Variants in RORB observed in about 807,000 individuals in gnomAD.
The protein encoded by RORB is nuclear receptor ROR-beta.
Under a neutral mutation model 59.1 loss-of-function variants are expected in RORB, and 6 were observed. The ratio of observed to expected loss-of-function variants is 0.10; its 90% CI spans 0.06 to 0.20. The LOEUF is 0.20. Among genes scored for constraint, RORB ranks in the 10% least tolerant of loss-of-function variants. The pLI is 1.00. For synonymous variants in RORB, 215 were observed against 204.5 expected (o/e 1.05, Z -0.44); for missense variants, 320 against 560.5 (o/e 0.57, Z 4.33).
intron 4 of RORB, among the ~76,000 whole-genome samples, chr9:74,657,877 C>A (rs1007079218): frequency 6.6e-6 from 1 of 151,570 alleles, no homozygotes; most frequent in African/African-American, 2.4e-5. Flanking sequence ...TGGTGGTGGG[C>A]ACCTGTAATC....
intron 2 of RORB, among the ~76,000 whole-genome samples, chr9:74,634,012 A>G (rs1233644983): frequency 6.6e-6 from 1 of 151,570 alleles, no homozygotes; most frequent in East Asian, 1.9e-4. Flanking sequence ...ACAGTACACT[A>G]TGATCCTGCC....
intron 4 of RORB, among the ~76,000 whole-genome samples, chr9:74,650,399 C>G (rs1274103849): frequency 6.6e-6 from 1 of 152,040 alleles, no homozygotes; most frequent in Non-Finnish European, 1.5e-5. Context: ...GCTATGGAAC[C>G]CAGAAGCGCC....
chr9:74,667,226 A>G (rs1233336673), intron 7 of RORB, among the ~76,000 whole-genome samples: 2 of 152,236 alleles, frequency 1.3e-5, no homozygotes, highest in African/African-American at 4.8e-5. Flanking sequence ...TTAGAAGGTA[A>G]TAATAAATAA....
chr9:74,610,161 A>G (rs569020660), intron 1 of RORB, among the ~76,000 whole-genome samples: 1 of 152,334 alleles, frequency 6.6e-6, no homozygotes, highest in South Asian at 2.1e-4. Flanking sequence ...AATACATTGC[A>G]ACAGCAGATT....
chr9:74,499,912 T>G (rs1372988234), intron 1 of RORB, among the ~76,000 whole-genome samples: 1 of 152,066 alleles, frequency 6.6e-6, no homozygotes, highest in Non-Finnish European at 1.5e-5. Flanking sequence ...ATCCGCTCAC[T>G]CCTTACATCG....
intron 1 of RORB, among the ~76,000 whole-genome samples, chr9:74,605,231 A>G (rs888377751): frequency 1.3e-5 from 2 of 152,230 alleles, no homozygotes; most frequent in African/African-American, 4.8e-5. Context: ...CCTAATGTCT[A>G]TGATTAAAAG....
chr9:74,567,318 C>T (rs1042175873), intron 1 of RORB, among the ~76,000 whole-genome samples: 4 of 152,006 alleles, frequency 2.6e-5, no homozygotes, highest in African/African-American at 4.8e-5. Flanking sequence ...TGAGCCACCG[C>T]GTCTGGTCGG....
In RORB at chr9:74,667,883, G is replaced by A; in HGVS notation, c.1093G>A (p.Ala365Thr). The A allele has an allele frequency of 1.2e-6, 2 of 1,609,174 alleles. No individual in the cohort carries two copies. The highest frequency in any genetic ancestry group is 1.7e-6 in the Non-Finnish European group (2 of 1,175,552). ...GGAGGAGATCGCTTTGTTCTCATCTGCTGTTCTGATATCTCCAGGTAGGGC... is the reference window on the plus strand; with the variant it reads ...GGAGGAGATCGCTTTGTTCTCATCTACTGTTCTGATATCTCCAGGTAGGGC... ...TEEEIALFSS[A>T]VLISPDRAWL... Residue 365 changes from alanine to threonine, a missense_variant, in exon 8 of 10, where the codon GCT becomes ACT. By Grantham distance (58) the Ala-to-Thr change is moderately conservative. Transcript: ENST00000376896.
At chr9:74,518,363 C>A (rs149754936) in intron 1 of RORB, among the ~76,000 whole-genome samples, 66 of 152,100 alleles carry the variant, frequency 4.3e-4, no homozygotes, top group Admixed American at 3.7e-3. Context: ...CCAATGACCA[C>A]ACACTGCAAC....
At chr9:74,649,378 A>G (rs1299934477) in intron 4 of RORB, among the ~76,000 whole-genome samples, 5 of 152,148 alleles carry the variant, frequency 3.3e-5, no homozygotes, top group Admixed American at 1.3e-4. Flanking sequence ...TATCTCCCAA[A>G]GCCTGCTTAT....
intron 1 of RORB, among the ~76,000 whole-genome samples, chr9:74,622,879 G>T (rs894411634): frequency 6.6e-6 from 1 of 152,006 alleles, no homozygotes; most frequent in South Asian, 2.1e-4. Context: ...ATGTCTATCA[G>T]GCACCCAGGG....
At chr9:74,601,138 T>C (rs1823047622) in intron 1 of RORB, among the ~76,000 whole-genome samples, 1 of 152,006 alleles carries the variant, frequency 6.6e-6, no homozygotes, top group Non-Finnish European at 1.5e-5. Flanking sequence ...AATTATACTC[T>C]TTTTCTTAGC....
chr9:74,652,600 A>C (rs574113009), intron 4 of RORB, among the ~76,000 whole-genome samples: 34 of 152,106 alleles, frequency 2.2e-4, no homozygotes, highest in Non-Finnish European at 3.8e-4. Flanking sequence ...AAAAGTTAGC[A>C]TAGTATCTTA....
At chr9:74,619,524 T>A (rs1245630745) in intron 1 of RORB, among the ~76,000 whole-genome samples, 4 of 152,236 alleles carry the variant, frequency 2.6e-5, no homozygotes, top group African/African-American at 9.6e-5. Context: ...CGATCTTGGC[T>A]CACTGCAACC....
At position 74,642,725 on chromosome 9, in the gene RORB, A is replaced by G. The variant is rs2118463411; in HGVS notation, c.547A>G (p.Ile183Val). 6 of 1,614,148 alleles carry G rather than the reference A, an allele frequency of 3.7e-6. No individual in the cohort carries two copies. The highest frequency in any genetic ancestry group is 5.1e-6 in the Non-Finnish European group (6 of 1,180,012). Residue 183 changes from isoleucine to valine, a missense_variant, in exon 4 of 10, where the codon ATC (isoleucine) becomes GTC (valine). Around this residue, in one of 4 missense-constraint regions of RORB, gnomAD observed 134 missense variants for 156.2 expected, o/e 0.86. Transcript: ENST00000376896. ...TGIKQIKQEPIYDLTSVPNLF... is the reference protein window; with the variant it reads ...TGIKQIKQEPVYDLTSVPNLF... Reference sequence around the variant, plus strand: ...AATCAAACAGATAAAGCAAGAACCTATCTATGACCTCACATCCGTACCCAA... The same window carrying G: ...AATCAAACAGATAAAGCAAGAACCTGTCTATGACCTCACATCCGTACCCAA...
chr9:74,571,642 A>C lies in RORB; in HGVS notation c.8-58640A>C, dbSNP rs570775191. Among the ~76,000 whole-genome samples the C allele has an allele frequency of 1.5e-4, 23 of 152,198 alleles. No individual in the cohort carries two copies. In the South Asian group the frequency reaches 4.4e-3, roughly 29 times the overall value. On this transcript the variant is annotated intron_variant, in intron 1 of 9. Coordinates refer to ENST00000376896, the MANE Select transcript of RORB (RefSeq NM_006914.4). ...ATTACTCAATATTATTTTTTTCGTA[A>C]TAGTAAAAGGTGAACTAATTTTGTT...
chr9:74,498,638 C>T (rs1732517420), intron 1 of RORB: 1 of 152,516 alleles, frequency 6.6e-6, no homozygotes. Context: ...GTGCCCGAGC[C>T]CGCGCGGCCC....
At chr9:74,655,255 G>A (rs983674937) in intron 4 of RORB, among the ~76,000 whole-genome samples, 2 of 152,296 alleles carry the variant, frequency 1.3e-5, no homozygotes, top group South Asian at 2.1e-4. Flanking sequence ...AGCCTCATCC[G>A]TGGTCTCAGG....
At chr9:74,665,795 G>T (rs1180805880) in intron 7 of RORB, among the ~76,000 whole-genome samples, 200 bp downstream of exon 7, 1 of 152,216 alleles carries the variant, frequency 6.6e-6, no homozygotes, top group Non-Finnish European at 1.5e-5. Flanking sequence ...ACAAAAGAAA[G>T]AGAGAACTGA....
Sources: allele counts gnomAD v4.1 joint callset (sites outside exome capture counted in the v4.1 genomes callset), GRCh38; gene constraint gnomAD v4.1.1; regional missense constraint gnomAD v4.1.1; transcripts MANE v1.5; gene names NCBI Gene and HGNC (gene_info 2026-07-23, HGNC 2026-07-21).